The following ARID1B variants were observed in gnomAD, a reference collection of about 807,000 sequenced individuals.
ARID1B encodes AT-rich interaction domain 1B, also known as AT-rich interactive domain-containing protein 1B.
A neutral mutation model predicts 212.3 loss-of-function variants in ARID1B; 30 were observed. That is an observed-to-expected ratio of 0.14 (90% CI 0.11 to 0.19). ARID1B has a LOEUF of 0.19. ARID1B is among the 10% of genes least tolerant of loss of function. The pLI is 1.00. For missense variants in ARID1B, 2,891 were observed against 3,204.0 expected, an observed-to-expected ratio of 0.90 and a Z score of 2.36; for synonymous variants, 1,402 against 1,301.7, an observed-to-expected ratio of 1.08 and a Z score of -1.66.
intron 8 of ARID1B, among the ~76,000 whole-genome samples, chr6:157,158,369 G>A (rs1197784514): frequency 6.6e-6 from 1 of 152,110 alleles, no homozygotes; most frequent in Non-Finnish European, 1.5e-5. Flanking sequence ...CTGTTTCCTG[G>A]ACAAGTGCAT....
At chr6:157,184,729 A>G (rs368508499) in intron 13 of ARID1B, 129 of 451,724 alleles carry the variant, frequency 2.9e-4, no homozygotes, top group Non-Finnish European at 4.7e-4. Context: ...TTTATTGCTT[A>G]TACAAGTATT....
intron 7 of ARID1B, among the ~76,000 whole-genome samples, chr6:157,144,712 G>C (rs1789601214): frequency 6.6e-6 from 1 of 152,146 alleles, no homozygotes; most frequent in Non-Finnish European, 1.5e-5. Context: ...CCCCTGCTCT[G>C]TGCCCACCTA....
chr6:157,068,693 C>A (rs1393423785), intron 4 of ARID1B, among the ~76,000 whole-genome samples: 2 of 152,164 alleles, frequency 1.3e-5, no homozygotes, highest in Non-Finnish European at 2.9e-5. Context: ...TCATCATATG[C>A]TTACATAGTG....
At chr6:157,130,497 T>A (rs1788475623) in intron 6 of ARID1B, among the ~76,000 whole-genome samples, 1 of 152,236 alleles carries the variant, frequency 6.6e-6, no homozygotes, top group Admixed American at 6.5e-5. Flanking sequence ...TGTTTTCAGA[T>A]TGAATAAGCA....
intron 1 of ARID1B, among the ~76,000 whole-genome samples, chr6:156,823,688 G>GTTTTTTTTTTTTTTTTT (rs56983474): frequency 1.7e-5 from 2 of 118,030 alleles, no homozygotes; most frequent in African/African-American, 3.2e-5. Flanking sequence ...TTTCTTTGTT[G>GTTTTTTTTTTTTTTTTT]TTTTTTTTTT....
chr6:156,812,730 T>A (rs1781636124), intron 1 of ARID1B, among the ~76,000 whole-genome samples: 1 of 152,080 alleles, frequency 6.6e-6, no homozygotes, highest in African/African-American at 2.4e-5. Flanking sequence ...TAAGTTTCCT[T>A]ACACCCCTTC....
At chr6:156,925,730 G>T (rs77245897) in intron 3 of ARID1B, among the ~76,000 whole-genome samples, 3,252 of 152,194 alleles carry the variant, frequency 0.021, 106 homozygotes, top group African/African-American at 0.074. Flanking sequence ...TAAACTAAAA[G>T]ATTTTTGGAG....
intron 4 of ARID1B, among the ~76,000 whole-genome samples, chr6:157,054,369 G>A (rs1782800819): frequency 6.6e-6 from 1 of 152,160 alleles, no homozygotes. Flanking sequence ...ATCTTTTAAT[G>A]TTCTTACTGC....
At chr6:156,791,134 G>T (rs1562387855) in intron 1 of ARID1B, among the ~76,000 whole-genome samples, 1 of 152,200 alleles carries the variant, frequency 6.6e-6, no homozygotes, top group Non-Finnish European at 1.5e-5. Flanking sequence ...CTAATGCAAA[G>T]AAGTTGTAAT....
At chr6:156,930,925 T>C (rs1188071583) in intron 3 of ARID1B, among the ~76,000 whole-genome samples, 1 of 152,154 alleles carries the variant, frequency 6.6e-6, no homozygotes, top group African/African-American at 2.4e-5. Context: ...GCAGAGTGGC[T>C]TATGCCTGTA....
At chr6:157,131,082 A>C (rs1788514687) in intron 6 of ARID1B, among the ~76,000 whole-genome samples, 2 of 152,186 alleles carry the variant, frequency 1.3e-5, no homozygotes, top group South Asian at 4.1e-4. Flanking sequence ...TGATGCATAA[A>C]GATGTGTTTT....
chr6:157,058,672 C>CG (rs1001369513), intron 4 of ARID1B, among the ~76,000 whole-genome samples: 2 of 152,198 alleles, frequency 1.3e-5, no homozygotes, highest in African/African-American at 4.8e-5. Flanking sequence ...ATGTGATCCG[C>CG]GGGAGGCAGC....
chr6:156,941,257 G>A (rs1792653518), intron 4 of ARID1B: 1 of 152,218 alleles, frequency 6.6e-6, no homozygotes, highest in Non-Finnish European at 1.5e-5. Context: ...AGCCTCCTGT[G>A]CCAGGGAGGA....
intron 16 of ARID1B, 58 bp from the exon 17 acceptor site, chr6:157,198,753 T>C: frequency 1.4e-6 from 2 of 1,424,202 alleles, no homozygotes. Context: ...GATTGTTTAT[T>C]TCTCTGTTTG....
chr6:157,100,061 G>T (rs1460856063), intron 5 of ARID1B, among the ~76,000 whole-genome samples: 1 of 152,150 alleles, frequency 6.6e-6, no homozygotes, highest in Non-Finnish European at 1.5e-5. Context: ...GACATGAAAA[G>T]GTTTATCTCT....
Position 156,935,643 on chromosome 6 carries a change from T to A in ARID1B, c.2247+67T>A. On this transcript the variant is annotated intron_variant, in intron 4 of 19. Transcript: ENST00000636930. ...AGACTTTTAGAAAGAGCTGTTGTTTTTGTTTGTTCTACTTTATATTATGAC... is the reference window on the plus strand; with the variant it reads ...AGACTTTTAGAAAGAGCTGTTGTTTATGTTTGTTCTACTTTATATTATGAC... 3 of 1,353,296 alleles carry A rather than the reference T, an allele frequency of 2.2e-6. No homozygotes were observed. In the East Asian group the frequency reaches 7.0e-5, roughly 31 times the overall value. 83.8% of individuals were successfully genotyped at this position (1,353,296 alleles called of 1,614,324 possible).
At chr6:156,801,044 C>T (rs1192594819) in intron 1 of ARID1B, among the ~76,000 whole-genome samples, 1 of 152,116 alleles carries the variant, frequency 6.6e-6, no homozygotes, top group Non-Finnish European at 1.5e-5. Context: ...GTAGAAAGCT[C>T]TCTGGGACAG....
chr6:156,791,349 A>T (rs2115189797), intron 1 of ARID1B, among the ~76,000 whole-genome samples: 1 of 152,348 alleles, frequency 6.6e-6, no homozygotes, highest in African/African-American at 2.4e-5. Context: ...TAAACGAGGT[A>T]ATGTGTATGG....
At chr6:156,894,151 G>A (rs554461279) in intron 2 of ARID1B, among the ~76,000 whole-genome samples, 1 of 152,186 alleles carries the variant, frequency 6.6e-6, no homozygotes, top group Admixed American at 6.5e-5. Flanking sequence ...AATACGTTAT[G>A]CTAACTCAGA....
Sources: allele counts gnomAD v4.1 joint callset (sites outside exome capture counted in the v4.1 genomes callset), GRCh38; gene constraint gnomAD v4.1.1; transcripts MANE v1.5; gene names NCBI Gene and HGNC (gene_info 2026-07-23, HGNC 2026-07-21).